The following COL6A1 variants were observed in gnomAD, a reference collection of about 807,000 sequenced individuals.
COL6A1 encodes collagen type VI alpha 1 chain.
COL6A1 carries 80 observed loss-of-function variants against 145.6 expected under a neutral mutation model. That is an observed-to-expected ratio of 0.55 (90% CI 0.46 to 0.66). The LOEUF (loss-of-function observed/expected upper bound fraction) is 0.66. COL6A1 is among the 30% of genes least tolerant of loss of function. COL6A1 has a pLI of 0.00. For synonymous variants in COL6A1, 638 were observed against 622.8 expected (o/e 1.02, Z -0.36); for missense variants, 1,364 against 1,473.8 (o/e 0.93, Z 1.22).
At chr21:45,986,243 G>A (rs1004103779) in intron 3 of COL6A1, among the ~76,000 whole-genome samples, 6 of 152,222 alleles carry the variant, frequency 3.9e-5, no homozygotes. Flanking sequence ...CTGGTCAGGG[G>A]CTTTGCGCCC....
At chr21:45,996,717 G>T (rs942539545) in intron 20 of COL6A1, among the ~76,000 whole-genome samples, 6 of 152,200 alleles carry the variant, frequency 3.9e-5, no homozygotes, top group Non-Finnish European at 7.3e-5. Context: ...AGTGCTTGGG[G>T]TGCCTGGGCT....
At chr21:45,985,465 T>C (rs2077734270) in intron 3 of COL6A1, among the ~76,000 whole-genome samples, 1 of 151,348 alleles carries the variant, frequency 6.6e-6, no homozygotes, top group South Asian at 2.1e-4. Context: ...AGAGACGGGG[T>C]GGTTTTCCCC....
intron 33 of COL6A1, 83 bp from the exon 34 acceptor site, chr21:46,003,037 C>T (rs368039175): frequency 2.5e-6 from 4 of 1,598,432 alleles, no homozygotes; most frequent in African/African-American, 1.3e-5. Flanking sequence ...CCCCTGTGCT[C>T]GGCCGGGAGG....
chr21:45,996,013 C>T (rs2077802999), intron 20 of COL6A1, among the ~76,000 whole-genome samples: 1 of 152,256 alleles, frequency 6.6e-6, no homozygotes, highest in East Asian at 1.9e-4. Flanking sequence ...GCATGGGGCT[C>T]TCCCTGTGTG....
At chr21:46,001,073 C>T (rs1300612828) in intron 29 of COL6A1, 180 bp from the exon 30 acceptor site, 2 of 904,990 alleles carry the variant, frequency 2.2e-6, no homozygotes, top group African/African-American at 1.7e-5. Flanking sequence ...GACCAGCCGC[C>T]GGACAGAGCA....
intron 33 of COL6A1, among the ~76,000 whole-genome samples, 158 bp from the exon 34 acceptor site, chr21:46,002,962 G>T (rs980983900): frequency 1.3e-5 from 2 of 152,232 alleles, no homozygotes; most frequent in Admixed American, 6.5e-5. Context: ...TGCGCACGGG[G>T]CCGCCTGGGG....
chr21:45,987,258 C>G, intron 6 of COL6A1, 83 bp downstream of exon 6: 1 of 1,571,946 alleles, frequency 6.4e-7, no homozygotes, highest in East Asian at 2.3e-5. Flanking sequence ...GACGCATGTC[C>G]CTATGCATAT....
Position 46,002,417 on chromosome 21 carries a change from C to G in COL6A1, c.2250+16C>G. 1 of 1,609,194 alleles carries G rather than the reference C, an allele frequency of 6.2e-7. No homozygotes were observed. Among genetic ancestry groups the G allele is most frequent in the Non-Finnish European group, 8.5e-7 (1 of 1,178,204 alleles). ...CGGCATCCAGGTGGGGTGGCCACCCCCAGGCTGCACCTGCCCCGCCTAGGG... is the reference window on the plus strand; with the variant it reads ...CGGCATCCAGGTGGGGTGGCCACCCGCAGGCTGCACCTGCCCCGCCTAGGG... On this transcript the variant is annotated intron_variant, in intron 32 of 34. Transcript: ENST00000361866.
intron 26 of COL6A1, 121 bp from the exon 27 acceptor site, chr21:45,999,536 G>T: frequency 9.3e-7 from 1 of 1,074,702 alleles, no homozygotes. Context: ...GCTGGGTAGG[G>T]AGGGACCGGG....
Position 46,004,131 on chromosome 21 carries a change from G to T in COL6A1, c.*118G>T. On this transcript the variant is annotated 3_prime_UTR_variant, in exon 35 of 35. Transcript: ENST00000361866. ...ACCTGATTCGCTAGATTTTTTTTAA[G>T]GAAAAGCTTGGAAAGCCAGGACACA... is the stretch of plus-strand genomic sequence containing the variant. 7.3e-7 allele frequency: 1 copy of T among 1,376,214 alleles called. No homozygotes were observed. Among genetic ancestry groups the T allele is most frequent in the East Asian group, 2.4e-5 (1 of 42,294 alleles). The allele number at this position is 1,376,214 out of a possible 1,614,324, so 85.3% of individuals were successfully genotyped here.
Position 46,002,275 on chromosome 21 carries a change from G to A in COL6A1, c.2124G>A (p.Gln708=), listed in dbSNP as rs777277444. 3 of 1,598,992 alleles carry A rather than the reference G, an allele frequency of 1.9e-6. 1 individual carries two copies. Among genetic ancestry groups the A allele is most frequent in the African/African-American group, 1.3e-5 (1 of 74,800 alleles). ...GCACCTTCACGGGGGAGGCCCTGCA[G>A]TACACGCGGGACCAGCTGCTGCCGC... The part of the protein sequence containing the change: ...AGGTFTGEAL[Q]YTRDQLLPPS... Residue 708 remains glutamine, a synonymous_variant, in exon 32 of 35, where the codon CAG becomes CAA. Transcript: ENST00000361866.
At chr21:45,998,317 C>T in intron 23 of COL6A1, 81 bp from the exon 24 acceptor site, 1 of 1,598,418 alleles carries the variant, frequency 6.3e-7, no homozygotes, top group Non-Finnish European at 8.5e-7. Flanking sequence ...TCTGTCAGCT[C>T]AGGCCCTTCC....
Position 45,992,348 on chromosome 21 carries a change from T to A in COL6A1, c.1237-15T>A. The A allele has an allele frequency of 6.2e-7, 1 of 1,613,764 alleles. No individual in the cohort carries two copies. The highest frequency in any genetic ancestry group is 8.5e-7 in the Non-Finnish European group (1 of 1,179,984). ...CCACCAGACTAACGCCGGCGTCTGT[T>A]TCTCTTCATCCCAGGGGAACCCAGG... is the stretch of plus-strand genomic sequence containing the variant. On this transcript the variant is annotated splice_polypyrimidine_tract_variant and intron_variant, in intron 17 of 34. Transcript: ENST00000361866.
chr21:45,992,626 AG>A, intron 18 of COL6A1, 121 bp from the exon 19 acceptor site: 1 of 1,101,614 alleles, frequency 9.1e-7, no homozygotes, highest in Non-Finnish European at 1.3e-6. Flanking sequence ...CATGCGGTGG[AG>A]GGGTGGCCCC....
At chr21:45,990,051 ACCCTCTGCGGAGCCGGGG>A (rs1569518183) in intron 11 of COL6A1, among the ~76,000 whole-genome samples, 189 bp from the exon 12 acceptor site, 2 of 141,086 alleles carry the variant, frequency 1.4e-5, no homozygotes, top group African/African-American at 5.1e-5. Context: ...CCGGGCGGTT[ACCCTCTGCGGAGCCGGGG>A]GTCCCCCGGG....
At chr21:45,982,889 C>G in intron 2 of COL6A1, 126 bp downstream of exon 2, 1 of 1,395,812 alleles carries the variant, frequency 7.2e-7, no homozygotes, top group African/African-American at 1.4e-5. Context: ...TTGCCCTGAC[C>G]GGGGCCCCTC....
chr21:45,997,967 G>A (rs1039676649), intron 22 of COL6A1, among the ~76,000 whole-genome samples, 154 bp from the exon 23 acceptor site: 3 of 152,146 alleles, frequency 2.0e-5, no homozygotes, highest in African/African-American at 7.2e-5. Context: ...GGGTCCCAGG[G>A]TCCACGGGGA....
intron 29 of COL6A1, 101 bp from the exon 30 acceptor site, chr21:46,001,124 CTGAGACGGGGGGACCCCAACGTGTCAGG>C (rs2077842179): frequency 7.5e-7 from 1 of 1,328,078 alleles, no homozygotes; most frequent in Non-Finnish European, 1.0e-6. Context: ...TTTTCTGGGG[CTGAGACGGGGGGACCCCAACGTGTCAGG>C]TGAGGATGTG....
rs1218696336 is a variant in COL6A1, at chr21:46,003,313, CT to C, written c.2465-76del. 1.1e-4 allele frequency: 170 copies of C among 1,602,612 alleles called. 3 individuals are homozygous for C. In the South Asian group the frequency reaches 1.7e-3, roughly 16 times the overall value. ...ACCGTGCCGTGCCCTCTCTGGGGAG[CT>C]TAGACGCTCTCTGGCCGGCCCACTG... On this transcript the variant is annotated intron_variant, in intron 34 of 34. Coordinates refer to ENST00000361866, the MANE Select transcript of COL6A1 (RefSeq NM_001848.3).
Sources: gnomAD v4.1 joint callset for allele counts (sites outside exome capture counted in the v4.1 genomes callset) on GRCh38, gnomAD v4.1.1 for gene constraint, MANE v1.5 for transcripts, NCBI Gene and HGNC (gene_info 2026-07-23, HGNC 2026-07-21) for gene names.